Variants in NRG3 observed in about 807,000 individuals in gnomAD.
The protein encoded by NRG3 is neuregulin 3, also known as pro-neuregulin-3, membrane-bound isoform.
NRG3 carries 31 observed loss-of-function variants against 66.9 expected under a neutral mutation model. That is an observed-to-expected ratio of 0.46 (90% CI 0.35 to 0.63). NRG3 has a LOEUF of 0.63. Ranked by LOEUF, NRG3 falls within the 20% of genes least tolerant of loss-of-function variation. The pLI, the probability that NRG3 is intolerant of heterozygous loss-of-function variation, is 0.00. For missense variants in NRG3, 910 were observed against 878.9 expected (o/e 1.04, Z -0.45); for synonymous variants, 393 against 359.4 (o/e 1.09, Z -1.06).
intron 1 of NRG3, among the ~76,000 whole-genome samples, chr10:82,141,552 G>A (rs1453614485): frequency 6.6e-6 from 1 of 152,082 alleles, no homozygotes; most frequent in Non-Finnish European, 1.5e-5. Flanking sequence ...TTTTGATTCA[G>A]TGATGGTGAA....
chr10:81,926,650 T>C lies in NRG3; in HGVS notation c.823+50487T>C, dbSNP rs77858205. 9.8e-3 allele frequency among the ~76,000 whole-genome samples: 1,486 copies of C among 152,340 alleles called. 27 individuals are homozygous for C. Among genetic ancestry groups the C allele is most frequent in the African/African-American group, 0.034 (1,411 of 41,566 alleles). ...ACTATGTTTGCTTCCCAATCTTTTA[T>C]TGTGGAAGTCCTACTTATTAACCCT... is the stretch of plus-strand genomic sequence containing the variant. On this transcript the variant is annotated intron_variant, in intron 1 of 8. Coordinates refer to ENST00000372141, the MANE Select transcript of NRG3 (RefSeq NM_001010848.4).
In NRG3 at chr10:82,906,499, G is replaced by A. The variant is rs540123128; in HGVS notation, c.1054+41062G>A. On this transcript the variant is annotated intron_variant, in intron 4 of 8. Transcript: ENST00000372141. Reference sequence around the variant, plus strand: ...TTTATCCAAAAAATATTTTAAAACAGCAACAGTTTGACATAAATGTAGCCT... The same window carrying A: ...TTTATCCAAAAAATATTTTAAAACAACAACAGTTTGACATAAATGTAGCCT... Among the ~76,000 whole-genome samples, 170 of 152,192 alleles carry A rather than the reference G, an allele frequency of 1.1e-3. 1 individual carries two copies. Among genetic ancestry groups the A allele is most frequent in the African/African-American group, 3.1e-3 (130 of 41,522 alleles).
At chr10:82,810,346 C>T (rs2061440689) in intron 3 of NRG3, among the ~76,000 whole-genome samples, 1 of 152,044 alleles carries the variant, frequency 6.6e-6, no homozygotes, top group Non-Finnish European at 1.5e-5. Flanking sequence ...CAGTGGATCT[C>T]CAATGCTGTT....
intron 1 of NRG3, among the ~76,000 whole-genome samples, chr10:81,903,120 T>A (rs1169593159): frequency 1.3e-5 from 2 of 152,164 alleles, no homozygotes; most frequent in Non-Finnish European, 2.9e-5. Context: ...TCTGTTCCAT[T>A]TCCCCCCATG....
intron 1 of NRG3, among the ~76,000 whole-genome samples, chr10:81,941,447 G>A (rs746372461): frequency 9.2e-5 from 14 of 152,078 alleles, no homozygotes; most frequent in Non-Finnish European, 1.9e-4. Flanking sequence ...TAATTTCTAC[G>A]TGTGCATCTA....
At chr10:82,038,715 C>T (rs1390262427) in intron 1 of NRG3, among the ~76,000 whole-genome samples, 2 of 152,110 alleles carry the variant, frequency 1.3e-5, no homozygotes, top group African/African-American at 2.4e-5. Context: ...CTCATTCATT[C>T]ATCTGTTTGC....
intron 1 of NRG3, among the ~76,000 whole-genome samples, chr10:82,093,924 G>T (rs2066182608): frequency 6.6e-6 from 1 of 152,134 alleles, no homozygotes; most frequent in Admixed American, 6.5e-5. Context: ...TGTGGAAATT[G>T]CTTTAATGCC....
At chr10:81,879,591 G>T (rs755343450) in intron 1 of NRG3, among the ~76,000 whole-genome samples, 21 of 152,044 alleles carry the variant, frequency 1.4e-4, no homozygotes, top group Non-Finnish European at 2.5e-4. Context: ...AGATTTGGAA[G>T]GTATATGGTT....
At chr10:82,790,186 C>T (rs1231148386) in intron 3 of NRG3, among the ~76,000 whole-genome samples, 1 of 151,974 alleles carries the variant, frequency 6.6e-6, no homozygotes, top group Non-Finnish European at 1.5e-5. Flanking sequence ...TTATGGGTAC[C>T]CTGTTTCTTC....
chr10:82,527,362 T>C (rs764529443), intron 2 of NRG3, among the ~76,000 whole-genome samples: 11 of 152,036 alleles, frequency 7.2e-5, no homozygotes, highest in Non-Finnish European at 1.6e-4. Flanking sequence ...TGTACATAAA[T>C]AGTAAACTAC....
intron 2 of NRG3, among the ~76,000 whole-genome samples, chr10:82,400,017 G>A (rs2086972254): frequency 6.6e-6 from 1 of 152,236 alleles, no homozygotes; most frequent in South Asian, 2.1e-4. Context: ...CCTTAAGGGA[G>A]ATGAATGGGA....
chr10:82,813,700 A>T (rs1818381590), intron 3 of NRG3, among the ~76,000 whole-genome samples: 1 of 152,192 alleles, frequency 6.6e-6, no homozygotes, highest in Non-Finnish European at 1.5e-5. Flanking sequence ...CTTTTGTAAC[A>T]CAGTCTCATT....
At position 82,785,121 on chromosome 10, in the gene NRG3, G is replaced by A. The variant is rs192593849; in HGVS notation, c.1027+46471G>A. Among the ~76,000 whole-genome samples the A allele has an allele frequency of 3.6e-3, 547 of 150,980 alleles. 1 individual carries two copies. The highest frequency in any genetic ancestry group is 5.0e-3 in the African/African-American group (204 of 41,054). On this transcript the variant is annotated intron_variant, in intron 3 of 8. Coordinates refer to ENST00000372141, the MANE Select transcript of NRG3 (RefSeq NM_001010848.4). The stretch of plus-strand genomic sequence containing the variant: ...TCGCAAGGACAAAAAACCAAACACC[G>A]CATGTTCTCACTCATAGATGGGAAT...
At chr10:81,876,390 C>G (rs576266390) in intron 1 of NRG3, among the ~76,000 whole-genome samples, 1 of 152,262 alleles carries the variant, frequency 6.6e-6, no homozygotes, top group Admixed American at 6.5e-5. Context: ...GATTGTCAGG[C>G]TCCACTGGCC....
chr10:81,876,253 G>A lies in NRG3; in HGVS notation c.823+90G>A, dbSNP rs1198471611. 3 of 1,465,584 alleles carry A rather than the reference G, an allele frequency of 2.0e-6. No individual in the cohort carries two copies. In the East Asian group the frequency reaches 7.4e-5, roughly 36 times the overall value. 90.8% of individuals were successfully genotyped at this position (1,465,584 alleles called of 1,614,324 possible). On this transcript the variant is annotated intron_variant, in intron 1 of 8. Coordinates refer to ENST00000372141, the MANE Select transcript of NRG3 (RefSeq NM_001010848.4). ...TTTTTCCCTCGCCGCCTGTTTTCTAGCAAGCCCCCTCCCCCATCCCAGGTT... is the reference window on the plus strand; with the variant it reads ...TTTTTCCCTCGCCGCCTGTTTTCTAACAAGCCCCCTCCCCCATCCCAGGTT...
At chr10:82,818,756 C>T (rs1161968068) in intron 3 of NRG3, among the ~76,000 whole-genome samples, 1 of 152,128 alleles carries the variant, frequency 6.6e-6, no homozygotes, top group Non-Finnish European at 1.5e-5. Flanking sequence ...GAGGACTTTA[C>T]AGCATCTTCC....
chr10:82,190,491 A>G (rs553602432), intron 1 of NRG3, among the ~76,000 whole-genome samples: 7 of 152,190 alleles, frequency 4.6e-5, no homozygotes, highest in Non-Finnish European at 5.9e-5. Flanking sequence ...AAGTTGCCAC[A>G]TTGCTATAGA....
chr10:82,184,374 G>A (rs904408239), intron 1 of NRG3, among the ~76,000 whole-genome samples: 1 of 152,076 alleles, frequency 6.6e-6, no homozygotes, highest in African/African-American at 2.4e-5. Context: ...CAAATGGTGA[G>A]GCTAAGACCT....
chr10:82,745,395 G>A (rs1036792934), intron 3 of NRG3, among the ~76,000 whole-genome samples: 2 of 152,056 alleles, frequency 1.3e-5, no homozygotes, highest in African/African-American at 2.4e-5. Context: ...ACTTTCCCCT[G>A]GTCTATTAAT....
Sources: allele counts gnomAD v4.1 joint callset (sites outside exome capture counted in the v4.1 genomes callset), GRCh38; gene constraint gnomAD v4.1.1; transcripts MANE v1.5; gene names NCBI Gene and HGNC (gene_info 2026-07-23, HGNC 2026-07-21).